Variants in DNAAF9 observed in about 807,000 individuals in gnomAD.
The protein encoded by DNAAF9 is shulin.
A neutral mutation model predicts 167.0 loss-of-function variants in DNAAF9; 90 were observed. That is an observed-to-expected ratio of 0.54 (90% CI 0.45 to 0.64). DNAAF9 has a LOEUF of 0.64. Among genes scored for constraint, DNAAF9 ranks in the 30% least tolerant of loss-of-function variants. The pLI is 0.00. For missense variants in DNAAF9, 1,315 were observed against 1,442.2 expected, an observed-to-expected ratio of 0.91 and a Z score of 1.43; for synonymous variants, 491 against 508.8, an observed-to-expected ratio of 0.96 and a Z score of 0.47.
intron 20 of DNAAF9, among the ~76,000 whole-genome samples, chr20:3,314,299 G>C (rs1405360446): frequency 6.6e-6 from 1 of 152,082 alleles, no homozygotes; most frequent in Non-Finnish European, 1.5e-5. Context: ...ATGAATTATG[G>C]GGGGCAGAGG....
At chr20:3,405,459 G>A (rs1445978969) in intron 1 of DNAAF9, among the ~76,000 whole-genome samples, 1 of 152,162 alleles carries the variant, frequency 6.6e-6, no homozygotes, top group Non-Finnish European at 1.5e-5. Flanking sequence ...GGCAAGAAAA[G>A]CACGTTCAAT....
intron 10 of DNAAF9, among the ~76,000 whole-genome samples, chr20:3,332,900 G>GTGGT (rs1376871054): frequency 4.8e-5 from 7 of 146,840 alleles, no homozygotes; most frequent in Non-Finnish European, 6.0e-5. Flanking sequence ...GTGTGCGTGT[G>GTGGT]GTGTGTGTGT....
At chr20:3,310,559 C>A (rs1263235285) in intron 20 of DNAAF9, among the ~76,000 whole-genome samples, 1 of 150,382 alleles carries the variant, frequency 6.6e-6, no homozygotes, top group Non-Finnish European at 1.5e-5. Flanking sequence ...ATGGTGCACG[C>A]CTGTAGTCCC....
At chr20:3,298,812 G>A (rs1032783348) in intron 21 of DNAAF9, among the ~76,000 whole-genome samples, 12 of 151,584 alleles carry the variant, frequency 7.9e-5, no homozygotes, top group African/African-American at 2.7e-4. Flanking sequence ...TTTGCTGTCC[G>A]TGCTTTTGGT....
At chr20:3,391,751 T>G (rs944116833) in intron 1 of DNAAF9, among the ~76,000 whole-genome samples, 1 of 152,138 alleles carries the variant, frequency 6.6e-6, no homozygotes, top group Non-Finnish European at 1.5e-5. Flanking sequence ...TGGCTAATTT[T>G]GTATTTTTAG....
intron 8 of DNAAF9, among the ~76,000 whole-genome samples, chr20:3,346,990 C>T (rs1454292249): frequency 6.6e-6 from 1 of 152,064 alleles, no homozygotes; most frequent in Non-Finnish European, 1.5e-5. Context: ...TTAAAGGAAA[C>T]TATAAATCTA....
At chr20:3,324,791 C>T in intron 14 of DNAAF9, 101 bp downstream of exon 14, 2 of 701,658 alleles carry the variant, frequency 2.9e-6, no homozygotes, top group Non-Finnish European at 2.5e-6. Flanking sequence ...TTTACTGAAA[C>T]ATTTCTCAAA....
chr20:3,304,449 G>A lies in DNAAF9; in HGVS notation c.1773C>T (p.Phe591=). The A allele has an allele frequency of 7.0e-7, 1 of 1,432,128 alleles. No individual in the cohort carries two copies. The highest frequency in any genetic ancestry group is 9.9e-7 in the Non-Finnish European group (1 of 1,014,830). 88.7% of individuals were successfully genotyped at this position (1,432,128 alleles called of 1,614,324 possible). ...CTAGTAAAACACCTACCCCATCATA[G>A]AAGGAAATGGAATTCATGTGATCCT... ...ISKDHMNSIS[F]YDGDSTSTVA... is the part of the protein sequence containing the mutation. The change falls in exon 21 of 37, where the codon TTC becomes TTT. Residue 591 remains phenylalanine (F), a synonymous_variant. Coordinates refer to ENST00000252032, the MANE Select transcript of DNAAF9 (RefSeq NM_001009984.3).
chr20:3,397,926 T>C (rs959700328), intron 1 of DNAAF9, among the ~76,000 whole-genome samples: 22 of 152,144 alleles, frequency 1.4e-4, no homozygotes, highest in Non-Finnish European at 2.6e-4. Context: ...AGTACCAGGA[T>C]TATGCCAGCC....
chr20:3,367,846 C>G (rs76795274), intron 6 of DNAAF9, among the ~76,000 whole-genome samples: 9,392 of 150,798 alleles, frequency 0.062, 377 homozygotes, highest in Non-Finnish European at 0.082. Flanking sequence ...AAAGTGAACA[C>G]GTGCTGTTGG....
chr20:3,380,934 A>G lies in DNAAF9; in HGVS notation c.283+445T>C, dbSNP rs545461518. 1.4e-3 allele frequency among the ~76,000 whole-genome samples: 207 copies of G among 152,312 alleles called. 1 individual carries two copies. The highest frequency in any genetic ancestry group is 1.4e-3 in the Non-Finnish European group (97 of 68,028). On this transcript the variant is annotated intron_variant, in intron 3 of 36. Transcript: ENST00000252032. Reference sequence around the variant, plus strand: ...TAAAGTCACAGAGAAAATAATTCCCAAAGACAGCAGGACAAAGAGCCTTTG... The same window carrying G: ...TAAAGTCACAGAGAAAATAATTCCCGAAGACAGCAGGACAAAGAGCCTTTG...
chr20:3,395,341 T>C (rs952525457), intron 1 of DNAAF9, among the ~76,000 whole-genome samples: 4 of 151,496 alleles, frequency 2.6e-5, no homozygotes, highest in African/African-American at 4.8e-5. Context: ...AATGCAGTGG[T>C]GCAATCTCAG....
intron 1 of DNAAF9, among the ~76,000 whole-genome samples, chr20:3,406,142 G>C (rs1041542631): frequency 6.6e-6 from 1 of 152,146 alleles, no homozygotes; most frequent in African/African-American, 2.4e-5. Context: ...ACATATACTG[G>C]ATTCTGGGTT....
intron 21 of DNAAF9, among the ~76,000 whole-genome samples, chr20:3,301,018 CTT>C (rs71195831): frequency 3.5e-5 from 5 of 144,142 alleles, no homozygotes; most frequent in Non-Finnish European, 3.0e-5. Context: ...TTTTGTTTTC[CTT>C]TTTTTTTTTT....
chr20:3,334,892 C>T (rs2069907368), intron 10 of DNAAF9, among the ~76,000 whole-genome samples: 1 of 152,198 alleles, frequency 6.6e-6, no homozygotes, highest in South Asian at 2.1e-4. Context: ...AGCTGGCTTT[C>T]CCTGGAGTTT....
intron 14 of DNAAF9, among the ~76,000 whole-genome samples, chr20:3,323,917 C>T (rs535278145): frequency 8.5e-5 from 13 of 152,306 alleles, no homozygotes; most frequent in Admixed American, 7.2e-4. Flanking sequence ...TCCTATCTTG[C>T]CCAAGGTCAC....
chr20:3,343,751 G>T lies in DNAAF9; in HGVS notation c.790-20C>A. 1.3e-6 allele frequency: 2 copies of T among 1,589,900 alleles called. No individual in the cohort carries two copies. The highest frequency in any genetic ancestry group is 8.6e-7 in the Non-Finnish European group (1 of 1,158,962). The stretch of plus-strand genomic sequence containing the variant: ...GAATGGCTAAAAAGAAGCCAACATT[G>T]TATATATTAAGAACACAATTTGGTA... On this transcript the variant is annotated intron_variant, in intron 8 of 36. Transcript: ENST00000252032.
chr20:3,362,126 G>T lies in DNAAF9; in HGVS notation c.613-2533C>A, dbSNP rs1474556296. ...TATTTAGGTCCATATTCTATTTTAA[G>T]GCTGTATATTCGGTTTTCATAAATT... On this transcript the variant is annotated intron_variant, in intron 6 of 36. Coordinates refer to ENST00000252032, the MANE Select transcript of DNAAF9 (RefSeq NM_001009984.3). 8 of 1,386,618 alleles carry T rather than the reference G, an allele frequency of 5.8e-6. No homozygotes were observed. The South Asian group carries it at 8.6e-5, about 15-fold the overall frequency. 85.9% of individuals were successfully genotyped at this position (1,386,618 alleles called of 1,614,324 possible). A position where few individuals can be genotyped will look rare whatever the true frequency, so the allele number is the denominator to read the frequency against.
At chr20:3,383,217 G>A (rs2083685888) in intron 1 of DNAAF9, among the ~76,000 whole-genome samples, 1 of 150,446 alleles carries the variant, frequency 6.6e-6, no homozygotes, top group South Asian at 2.1e-4. Context: ...CTTCCACCTG[G>A]TCTCCTCATC....
Sources: gnomAD v4.1 joint callset for allele counts (sites outside exome capture counted in the v4.1 genomes callset) on GRCh38, gnomAD v4.1.1 for gene constraint, MANE v1.5 for transcripts, NCBI Gene and HGNC (gene_info 2026-07-23, HGNC 2026-07-21) for gene names.